ZNF385D: variants seen among roughly 807,000 people sequenced by gnomAD.
The protein encoded by ZNF385D is zinc finger protein 659.
ZNF385D carries 15 observed loss-of-function variants against 35.8 expected under a neutral mutation model. The observed-to-expected ratio is 0.42, with a 90% CI of 0.28 to 0.64. ZNF385D has a LOEUF of 0.64. Ranked by LOEUF, ZNF385D falls within the 30% of genes least tolerant of loss-of-function variation. The probability of loss-of-function intolerance (pLI) is 0.23; values close to 1 mark genes in which losing one functional copy is unlikely to be tolerated. For missense variants in ZNF385D, 474 were observed against 494.6 expected, an observed-to-expected ratio of 0.96 and a Z score of 0.39; for synonymous variants, 212 against 186.8, an observed-to-expected ratio of 1.13 and a Z score of -1.10.
In ZNF385D at chr3:21,513,936, G is replaced by A. The variant is rs142720425; in HGVS notation, c.277-2913C>T. ...ACCCAGCAAGTCTCCTTATCCCTTT[G>A]GGCCACTTGATAGATGCAGATAGAC... On this transcript the variant is annotated intron_variant, in intron 3 of 7. Transcript: ENST00000281523. 1.8e-3 allele frequency among the ~76,000 whole-genome samples: 280 copies of A among 152,098 alleles called. 2 individuals are homozygous for A. The highest frequency in any genetic ancestry group is 5.3e-3 in the African/African-American group (220 of 41,492).
rs202055351 is a variant in ZNF385D at position 21,999,784 on chromosome 3, AT to A, written c.325+169032del. On this transcript the variant is annotated intron_variant, in intron 3 of 5. Transcript: ENST00000494108. ...CCCCAGTCAGGCAAAAAAAAAAAAA[AT>A]AATAATAATGAAAAACAAAAAGTGA... is the stretch of plus-strand genomic sequence containing the variant. Among the ~76,000 whole-genome samples, 299 of 148,160 alleles carry A rather than the reference AT, an allele frequency of 2.0e-3. 1 individual carries two copies. Among genetic ancestry groups the A allele is most frequent in the Middle Eastern group, 3.4e-3 (1 of 290 alleles).
intron 3 of ZNF385D, among the ~76,000 whole-genome samples, chr3:22,116,974 C>A (rs1702844721): frequency 6.6e-6 from 1 of 151,890 alleles, no homozygotes; most frequent in Non-Finnish European, 1.5e-5. Context: ...AAATTTGTTA[C>A]CCTCTTTCAA....
At chr3:22,129,564 C>T (rs1181790930) in intron 3 of ZNF385D, among the ~76,000 whole-genome samples, 1 of 152,112 alleles carries the variant, frequency 6.6e-6, no homozygotes, top group Non-Finnish European at 1.5e-5. Flanking sequence ...CTTTACTTAT[C>T]CCTGTCCTTT....
At chr3:22,369,837 A>G (rs1239800617) in intron 2 of ZNF385D, among the ~76,000 whole-genome samples, 3 of 152,188 alleles carry the variant, frequency 2.0e-5, no homozygotes, top group Non-Finnish European at 4.4e-5. Context: ...TACTAACATT[A>G]CTTAGCTGAA....
chr3:21,524,562 T>C (rs914067917), intron 3 of ZNF385D, among the ~76,000 whole-genome samples: 9 of 152,154 alleles, frequency 5.9e-5, no homozygotes, highest in African/African-American at 1.9e-4. Flanking sequence ...ACTAGAAAGT[T>C]AACATATTTC....
intron 3 of ZNF385D, among the ~76,000 whole-genome samples, chr3:22,045,840 G>A (rs1175954807): frequency 1.3e-5 from 2 of 151,980 alleles, no homozygotes; most frequent in East Asian, 3.9e-4. Flanking sequence ...AGCTGCCCTT[G>A]AGAAGTAAAA....
intron 3 of ZNF385D, among the ~76,000 whole-genome samples, chr3:22,024,953 G>A (rs1372333300): frequency 6.6e-6 from 1 of 152,102 alleles, no homozygotes; most frequent in Non-Finnish European, 1.5e-5. Flanking sequence ...TGGAAAAATA[G>A]ACACAAGCTC....
chr3:21,658,550 C>CT (rs2066141076), intron 2 of ZNF385D, among the ~76,000 whole-genome samples: 1 of 151,664 alleles, frequency 6.6e-6, no homozygotes, highest in African/African-American at 2.4e-5. Context: ...TGTGTTTTTC[C>CT]TGTCTTTTTA....
chr3:21,877,551 T>C (rs567222884), intron 3 of ZNF385D, among the ~76,000 whole-genome samples: 3 of 152,236 alleles, frequency 2.0e-5, no homozygotes, highest in South Asian at 4.1e-4. Context: ...CTGGTGGTAA[T>C]TGATTCTGGA....
chr3:22,217,683 A>G (rs1697976445), intron 2 of ZNF385D, among the ~76,000 whole-genome samples: 1 of 152,180 alleles, frequency 6.6e-6, no homozygotes, highest in Non-Finnish European at 1.5e-5. Flanking sequence ...ATTACATGTT[A>G]TGGCAAATAT....
intron 3 of ZNF385D, among the ~76,000 whole-genome samples, chr3:21,807,447 C>G (rs2072703523): frequency 6.6e-6 from 1 of 152,198 alleles, no homozygotes; most frequent in East Asian, 1.9e-4. Flanking sequence ...TGTGATTTGA[C>G]TCGCCAAGTT....
chr3:22,244,931 T>C (rs1699693824), intron 2 of ZNF385D, among the ~76,000 whole-genome samples: 2 of 152,016 alleles, frequency 1.3e-5, no homozygotes, highest in African/African-American at 2.4e-5. Flanking sequence ...ATTTCTACAA[T>C]TTGTGCTAGA....
intron 1 of ZNF385D, among the ~76,000 whole-genome samples, chr3:21,668,476 T>A (rs77859291): frequency 6.6e-6 from 1 of 152,160 alleles, no homozygotes; most frequent in Non-Finnish European, 1.5e-5. Flanking sequence ...CACTCCCTAA[T>A]AAAGTCTCAG....
chr3:22,110,115 A>C (rs796823375), intron 3 of ZNF385D, among the ~76,000 whole-genome samples: 4 of 152,072 alleles, frequency 2.6e-5, no homozygotes, highest in Non-Finnish European at 5.9e-5. Context: ...TTAGAATGGC[A>C]ATCATTAAAA....
intron 2 of ZNF385D, among the ~76,000 whole-genome samples, chr3:22,274,457 T>C (rs1282396337): frequency 2.6e-5 from 4 of 152,090 alleles, no homozygotes; most frequent in South Asian, 4.1e-4. Flanking sequence ...CTACTTAGAA[T>C]GTCCAGTATT....
intron 3 of ZNF385D, among the ~76,000 whole-genome samples, chr3:22,161,811 A>G (rs1242057190): frequency 2.0e-5 from 3 of 152,210 alleles, no homozygotes; most frequent in Non-Finnish European, 4.4e-5. Context: ...TTTAAGAATG[A>G]CATAAACTCA....
At chr3:21,730,482 G>C (rs1030094914) in intron 1 of ZNF385D, among the ~76,000 whole-genome samples, 2 of 152,188 alleles carry the variant, frequency 1.3e-5, no homozygotes, top group Non-Finnish European at 2.9e-5. Flanking sequence ...TCCATTGCCA[G>C]ATAACTAACC....
At chr3:22,286,292 G>T (rs192444034) in intron 2 of ZNF385D, among the ~76,000 whole-genome samples, 2 of 151,978 alleles carry the variant, frequency 1.3e-5, no homozygotes, top group African/African-American at 4.8e-5. Context: ...AGCTAAACAA[G>T]TTTTTTCTTA....
At chr3:21,985,623 A>T (rs933210571) in intron 3 of ZNF385D, among the ~76,000 whole-genome samples, 2 of 142,998 alleles carry the variant, frequency 1.4e-5, no homozygotes, top group East Asian at 2.0e-4. Context: ...TTGGTCTAAA[A>T]TTCTCTTTTT....
Sources: allele counts gnomAD v4.1 joint callset (sites outside exome capture counted in the v4.1 genomes callset), GRCh38; gene constraint gnomAD v4.1.1; transcripts MANE v1.5; gene names NCBI Gene and HGNC (gene_info 2026-07-23, HGNC 2026-07-21).